ZNF688: variants seen among roughly 807,000 people sequenced by gnomAD.
ZNF688 encodes the protein zinc finger protein 688.
In ZNF688, 10 loss-of-function variants were observed where a neutral mutation model predicts 13.2. That is an observed-to-expected ratio of 0.76 (90% confidence interval 0.47 to 1.28). ZNF688 has a LOEUF of 1.28. ZNF688 is among the 50% of genes most tolerant of loss of function. The probability of loss-of-function intolerance (pLI) is 0.00; values close to 1 mark genes in which losing one functional copy is unlikely to be tolerated. For missense variants in ZNF688, 381 were observed against 391.4 expected, an observed-to-expected ratio of 0.97 and a Z score of 0.22; for synonymous variants, 160 against 159.4, an observed-to-expected ratio of 1.00 and a Z score of -0.03.
upstream of ZNF688, chr16:30,571,905 G>A (rs951727811): frequency 7.0e-6 from 9 of 1,277,444 alleles, no homozygotes; most frequent in Non-Finnish European, 8.9e-6. Context: ...AAAATATGGC[G>A]ACCACCCTTC....
At chr16:30,573,806 AATT>A (rs2051720642), upstream of ZNF688, 2 of 283,512 alleles carry the variant, frequency 7.1e-6, no homozygotes, top group Non-Finnish European at 1.4e-5. Context: ...ATTAATTATT[AATT>A]GTTAATAATT....
At chr16:30,572,512 G>A (rs911308778), upstream of ZNF688, 3 of 410,684 alleles carry the variant, frequency 7.3e-6, no homozygotes, top group Non-Finnish European at 1.3e-5. Context: ...GCGAAGGAAC[G>A]TGCTTGGTGA....
At chr16:30,578,948 T>G in the ZNF688 span, 1 of 151,680 alleles carries the variant, frequency 6.6e-6, no homozygotes, top group Admixed American at 6.6e-5. Context: ...TCCCCCACCA[T>G]GCTCGGCTAA....
upstream of ZNF688, among the ~76,000 whole-genome samples, chr16:30,575,496 T>G (rs1395061265): frequency 6.6e-6 from 1 of 152,190 alleles, no homozygotes; most frequent in Non-Finnish European, 1.5e-5. Flanking sequence ...TCGACCAGCC[T>G]TGGCCTCCCA....
chr16:30,576,289 G>C (rs2051746848), upstream of ZNF688, among the ~76,000 whole-genome samples: 1 of 152,226 alleles, frequency 6.6e-6, no homozygotes, highest in South Asian at 2.1e-4. Flanking sequence ...TTGGCTCACT[G>C]CAAGCTCCGC....
chr16:30,578,469 A>G, the ZNF688 span: 1 of 152,248 alleles, frequency 6.6e-6, no homozygotes, highest in Admixed American at 6.5e-5. Context: ...CTGGGCTTCA[A>G]TCGACTTTAC....
At chr16:30,576,661 T>C (rs2051750721), upstream of ZNF688, among the ~76,000 whole-genome samples, 1 of 152,178 alleles carries the variant, frequency 6.6e-6, no homozygotes, top group South Asian at 2.1e-4. Flanking sequence ...TTCATTGTAG[T>C]TCTGATTTGC....
upstream of ZNF688, among the ~76,000 whole-genome samples, chr16:30,576,654 AT>A (rs1243611986): frequency 6.6e-6 from 1 of 152,062 alleles, no homozygotes; most frequent in African/African-American, 2.4e-5. Context: ...GGCCGGCTTC[AT>A]TGTAGTTCTG....
intron 1 of ZNF688, 146 bp from the exon 2 acceptor site, chr16:30,571,269 G>C (rs1004717664): frequency 4.5e-6 from 7 of 1,538,502 alleles, no homozygotes; most frequent in Admixed American, 2.0e-5. Context: ...ATGGATGCGG[G>C]TGAAAACACT....
At chr16:30,572,226 G>A (rs200068940), upstream of ZNF688, 81 of 1,599,888 alleles carry the variant, frequency 5.1e-5, no homozygotes, top group Middle Eastern at 3.3e-4. Context: ...GGGACCCCGC[G>A]GTCCTGAAGC....
At chr16:30,576,007 C>T (rs2051742681), upstream of ZNF688, among the ~76,000 whole-genome samples, 1 of 152,140 alleles carries the variant, frequency 6.6e-6, no homozygotes, top group South Asian at 2.1e-4. Context: ...GTTTTGTCTT[C>T]TTAATAACAG....
chr16:30,570,926 G>A (rs2051667071), intron 2 of ZNF688, 84 bp downstream of exon 2: 1 of 1,379,018 alleles, frequency 7.3e-7, no homozygotes, highest in Non-Finnish European at 1.0e-6. Context: ...CTTTAGGGAT[G>A]CTGGAAGTGG....
upstream of ZNF688, among the ~76,000 whole-genome samples, chr16:30,577,575 C>T (rs2051758677): frequency 6.6e-6 from 1 of 151,708 alleles, no homozygotes; most frequent in African/African-American, 2.4e-5. Context: ...AGGGTTTCAC[C>T]ATGTTGGCCA....
At chr16:30,576,243 G>A (rs558059260), upstream of ZNF688, among the ~76,000 whole-genome samples, 11 of 151,916 alleles carry the variant, frequency 7.2e-5, no homozygotes, top group Admixed American at 5.9e-4. Context: ...ATGGAGTCTC[G>A]CTCTGTTGCC....
At chr16:30,579,770 T>A in the ZNF688 span, 1 of 455,986 alleles carries the variant, frequency 2.2e-6, no homozygotes, top group Non-Finnish European at 4.4e-6. Context: ...AGTCCTGGAA[T>A]GCAGAAATGC....
intron 2 of ZNF688, chr16:30,570,688 T>C (rs1202644982): frequency 2.3e-6 from 1 of 428,170 alleles, no homozygotes; most frequent in Non-Finnish European, 4.1e-6. Flanking sequence ...AGATGCATGT[T>C]AAGCACTTAG....
chr16:30,577,060 C>T (rs573924119), upstream of ZNF688, among the ~76,000 whole-genome samples: 32 of 152,020 alleles, frequency 2.1e-4, no homozygotes, highest in African/African-American at 6.5e-4. Context: ...ACCACCATGC[C>T]CAGCCTATTA....
intron 2 of ZNF688, chr16:30,570,722 A>ATTATTTATTTATTTAT (rs3072029): frequency 9.5e-4 from 286 of 300,060 alleles, no homozygotes; most frequent in African/African-American, 1.7e-3. Flanking sequence ...AGCAGGGGCT[A>ATTATTTATTTATTTAT]TTATTTATTT....
chr16:30,572,080 C>G, upstream of ZNF688: 1 of 1,491,014 alleles, frequency 6.7e-7, no homozygotes, highest in East Asian at 2.5e-5. Flanking sequence ...GGAGAGGCTT[C>G]TTGCCTTCAA....
Sources: gnomAD v4.1 joint callset for allele counts (sites outside exome capture counted in the v4.1 genomes callset) on GRCh38, gnomAD v4.1.1 for gene constraint, MANE v1.5 for transcripts, NCBI Gene and HGNC (gene_info 2026-07-23, HGNC 2026-07-21) for gene names.